Variants in TTL observed in about 807,000 individuals in gnomAD.
The protein encoded by TTL is tubulin tyrosine ligase, also known as tubulin--tyrosine ligase.
TTL carries 10 observed loss-of-function variants against 41.1 expected under a neutral mutation model. The observed-to-expected ratio is 0.24, with a 90% CI of 0.15 to 0.41. TTL has a LOEUF of 0.41. TTL is among the 10% of genes least tolerant of loss of function. The pLI, the probability that TTL is intolerant of heterozygous loss-of-function variation, is 1.00. For missense variants in TTL, 367 were observed against 460.4 expected, an observed-to-expected ratio of 0.80 and a Z score of 1.86; for synonymous variants, 175 against 175.5, an observed-to-expected ratio of 1.00 and a Z score of 0.02.
Position 112,534,514 on chromosome 2 carries a change from A to C in TTL, c.*5719A>C, listed in dbSNP as rs1682565349. 6.6e-6 allele frequency: 1 copy of C among 152,578 alleles called. No individual in the cohort carries two copies. Among genetic ancestry groups the C allele is most frequent in the Non-Finnish European group, 1.5e-5 (1 of 68,028 alleles). 9.5% of individuals were successfully genotyped at this position (152,578 alleles called of 1,614,324 possible). A position where few individuals can be genotyped will look rare whatever the true frequency, so the allele number is the denominator to read the frequency against. The stretch of plus-strand genomic sequence containing the variant: ...TCAGAAGGGGATTGGAACTCCTCCA[A>C]AGCTTCATTACCAGAGAATTGCCAT... On this transcript the variant is annotated 3_prime_UTR_variant, in exon 7 of 7. Transcript: ENST00000233336.
intron 5 of TTL, among the ~76,000 whole-genome samples, chr2:112,510,509 T>A (rs181800125): frequency 2.0e-3 from 298 of 152,226 alleles, no homozygotes; most frequent in African/African-American, 6.9e-3. Flanking sequence ...TTTGTTCTTA[T>A]TGCCCAGGCT....
chr2:112,523,728 G>A (rs1046488606), intron 6 of TTL, among the ~76,000 whole-genome samples: 20 of 151,864 alleles, frequency 1.3e-4, no homozygotes, highest in East Asian at 1.9e-4. Flanking sequence ...CTTTATCTTC[G>A]TGCAAAGGCT....
At chr2:112,512,554 G>C (rs998583660) in intron 5 of TTL, among the ~76,000 whole-genome samples, 1 of 151,996 alleles carries the variant, frequency 6.6e-6, no homozygotes, top group Non-Finnish European at 1.5e-5. Flanking sequence ...GAGCCACCAC[G>C]CCTGGCCTAG....
intron 5 of TTL, among the ~76,000 whole-genome samples, chr2:112,516,510 C>T (rs563889488): frequency 6.4e-4 from 98 of 152,208 alleles, no homozygotes; most frequent in African/African-American, 2.3e-3. Context: ...CCTGTCTCTA[C>T]TAAAAATACA....
chr2:112,533,793 C>T lies in TTL; in HGVS notation c.*4998C>T, dbSNP rs1682552147. 1 of 152,162 alleles carries T rather than the reference C, an allele frequency of 6.6e-6. No homozygotes were observed. 9.4% of individuals were successfully genotyped at this position (152,162 alleles called of 1,614,324 possible). On this transcript the variant is annotated 3_prime_UTR_variant, in exon 7 of 7. Coordinates refer to ENST00000233336, the MANE Select transcript of TTL (RefSeq NM_153712.5). Reference sequence around the variant, plus strand: ...ACTATTGCAGTAGAGATTAAGTTTCCAACACATTTACTTTGGGGAACACAT... The same window carrying T: ...ACTATTGCAGTAGAGATTAAGTTTCTAACACATTTACTTTGGGGAACACAT...
chr2:112,528,576 C>G (rs1039694498), intron 6 of TTL, 105 bp from the exon 7 acceptor site: 2 of 898,978 alleles, frequency 2.2e-6, no homozygotes, highest in East Asian at 2.6e-5. Flanking sequence ...TGCATGCCAA[C>G]TTGGGAGACA....
In TTL at chr2:112,538,572, G is replaced by GT. The variant is rs1682642779; in HGVS notation, c.*9780dup. Reference sequence around the variant, plus strand: ...GTGGGCAGATCAAATGAGGCCAGGAGTTTGAGTCCAGCCTGGGCAACATGA... The same window carrying GT: ...GTGGGCAGATCAAATGAGGCCAGGAGTTTTGAGTCCAGCCTGGGCAACATGA... On this transcript the variant is annotated 3_prime_UTR_variant, in exon 7 of 7. Transcript: ENST00000233336. 6.6e-6 allele frequency: 1 copy of GT among 152,138 alleles called. No individual in the cohort carries two copies. Among genetic ancestry groups the GT allele is most frequent in the African/African-American group, 2.4e-5 (1 of 41,406 alleles). 9.4% of individuals were successfully genotyped at this position (152,138 alleles called of 1,614,324 possible). A position where few individuals can be genotyped will look rare whatever the true frequency, so the allele number is the denominator to read the frequency against.
At chr2:112,527,904 G>A (rs192992524) in intron 6 of TTL, among the ~76,000 whole-genome samples, 2 of 152,290 alleles carry the variant, frequency 1.3e-5, no homozygotes, top group East Asian at 3.9e-4. Flanking sequence ...TTTCTTCCTA[G>A]CATCTATGGT....
chr2:112,530,866 C>T lies in TTL; in HGVS notation c.*2071C>T, dbSNP rs535921177. On this transcript the variant is annotated 3_prime_UTR_variant, in exon 7 of 7. Transcript: ENST00000233336. ...TATGCCTCATTCCTCATGTGGCTTCCAATAAGTATCTTAGGAACTTATTTC... is the reference window on the plus strand; with the variant it reads ...TATGCCTCATTCCTCATGTGGCTTCTAATAAGTATCTTAGGAACTTATTTC... 1.5e-4 allele frequency: 28 copies of T among 184,084 alleles called. No homozygotes were observed. The highest frequency in any genetic ancestry group is 2.8e-4 in the Non-Finnish European group (24 of 86,922). The allele number at this position is 184,084 out of a possible 1,614,324, so 11.4% of individuals were successfully genotyped here. A position where few individuals can be genotyped will look rare whatever the true frequency, so the allele number is the denominator to read the frequency against.
intron 3 of TTL, among the ~76,000 whole-genome samples, chr2:112,498,412 C>T (rs1681593546): frequency 6.6e-6 from 1 of 152,024 alleles, no homozygotes; most frequent in Non-Finnish European, 1.5e-5. Context: ...CATGTATAGG[C>T]TCTGTGTGCT....
chr2:112,514,871 T>C (rs1379471464), intron 5 of TTL, among the ~76,000 whole-genome samples: 4 of 152,236 alleles, frequency 2.6e-5, no homozygotes, highest in Non-Finnish European at 4.4e-5. Context: ...CTCACACTTT[T>C]ATGGCATTTT....
At chr2:112,484,368 A>G (rs543100747) in intron 1 of TTL, among the ~76,000 whole-genome samples, 3 of 151,742 alleles carry the variant, frequency 2.0e-5, no homozygotes, top group South Asian at 4.2e-4. Flanking sequence ...GGTTCAAGCA[A>G]TTCTCCTGCC....
Position 112,512,113 on chromosome 2 carries a change from C to CA in TTL, c.876-8168dup, listed in dbSNP as rs1335253783. 4.6e-5 allele frequency among the ~76,000 whole-genome samples: 7 copies of CA among 151,980 alleles called. No individual in the cohort carries two copies. In the East Asian group the frequency reaches 1.4e-3, roughly 29 times the overall value. ...TTATTATTATTATTATTATTTGAGA[C>CA]AGAGTTTCACTCTTGCTGCCCGGAC... On this transcript the variant is annotated intron_variant, in intron 5 of 6. Coordinates refer to ENST00000233336, the MANE Select transcript of TTL (RefSeq NM_153712.5).
rs1682541654 is a variant in TTL at position 112,532,998 on chromosome 2, C to T, written c.*4203C>T. ...GCCAGGTTTTTAAATACCTATAAACCTCACACACCTGAGATGCTTAGTCTT... is the reference window on the plus strand; with the variant it reads ...GCCAGGTTTTTAAATACCTATAAACTTCACACACCTGAGATGCTTAGTCTT... On this transcript the variant is annotated 3_prime_UTR_variant, in exon 7 of 7. Transcript: ENST00000233336. 1 of 152,224 alleles carries T rather than the reference C, an allele frequency of 6.6e-6. No individual in the cohort carries two copies. Among genetic ancestry groups the T allele is most frequent in the Admixed American group, 6.5e-5 (1 of 15,284 alleles). The allele number at this position is 152,224 out of a possible 1,614,324, so 9.4% of individuals were successfully genotyped here.
intron 2 of TTL, 72 bp from the exon 3 acceptor site, chr2:112,494,071 G>A: frequency 8.4e-7 from 1 of 1,188,476 alleles, no homozygotes; most frequent in Non-Finnish European, 1.2e-6. Flanking sequence ...CTGGGGGAAA[G>A]GAGTGGCCTT....
chr2:112,496,228 A>G (rs536702159), intron 3 of TTL, among the ~76,000 whole-genome samples: 1 of 152,346 alleles, frequency 6.6e-6, no homozygotes, highest in Non-Finnish European at 1.5e-5. Context: ...TCAGAGGGAC[A>G]CCAAGCAGCA....
intron 5 of TTL, among the ~76,000 whole-genome samples, chr2:112,512,249 G>A (rs1300913073): frequency 1.3e-5 from 2 of 151,368 alleles, no homozygotes; most frequent in South Asian, 2.1e-4. Context: ...GTGCCACCAC[G>A]CTCAGCTAAT....
chr2:112,529,512 T>C lies in TTL; in HGVS notation c.*717T>C, dbSNP rs781348192. ...AAAAAAACATGATATATTGCTTTAC[T>C]TAATAGGTTGAATATGGTAGGTCTT... On this transcript the variant is annotated 3_prime_UTR_variant, in exon 7 of 7. Transcript: ENST00000233336. The C allele has an allele frequency of 4.4e-6, 1 of 229,436 alleles. No homozygotes were observed. The highest frequency in any genetic ancestry group is 8.7e-6 in the Non-Finnish European group (1 of 115,446). The allele number at this position is 229,436 out of a possible 1,614,324, so 14.2% of individuals were successfully genotyped here. A position where few individuals can be genotyped will look rare whatever the true frequency, so the allele number is the denominator to read the frequency against.
intron 6 of TTL, chr2:112,521,456 C>T (rs1175152307): frequency 4.3e-5 from 31 of 727,560 alleles, no homozygotes; most frequent in Non-Finnish European, 5.0e-5. Context: ...AAGACCCTTT[C>T]GTGGTTCCCA....
Sources: gnomAD v4.1 joint callset for allele counts (sites outside exome capture counted in the v4.1 genomes callset) on GRCh38, gnomAD v4.1.1 for gene constraint, MANE v1.5 for transcripts, NCBI Gene and HGNC (gene_info 2026-07-23, HGNC 2026-07-21) for gene names.